Variants in TRRAP observed in about 807,000 individuals in gnomAD.
The protein encoded by TRRAP is transformation/transcription domain associated protein.
TRRAP carries 41 observed loss-of-function variants against 438.8 expected under a neutral mutation model. The ratio of observed to expected loss-of-function variants is 0.09; its 90% CI spans 0.07 to 0.12. TRRAP has a LOEUF of 0.12. Ranked by LOEUF, TRRAP falls within the 10% of genes least tolerant of loss-of-function variation. The probability of loss-of-function intolerance (pLI) is 1.00; values close to 1 mark genes in which losing one functional copy is unlikely to be tolerated. For missense variants in TRRAP, 3,122 were observed against 5,055.1 expected (o/e 0.62, Z 11.60); for synonymous variants, 1,994 against 1,962.9 (o/e 1.02, Z -0.42).
intron 53 of TRRAP, among the ~76,000 whole-genome samples, chr7:98,972,792 A>G (rs1464625831): frequency 1.3e-5 from 2 of 152,258 alleles, no homozygotes; most frequent in Non-Finnish European, 2.9e-5. Flanking sequence ...AGTGATTTTT[A>G]CGTTAAAATC....
In TRRAP at chr7:98,994,817, C is replaced by G. The variant is rs1406094010; in HGVS notation, c.10278C>G (p.Val3426=). Residue 3426 remains valine (V), a synonymous_variant, in exon 67 of 73, where the codon GTC becomes GTG. Transcript: ENST00000456197. This position sits in a 1 kb window ranked among gnomAD's most constrained non-coding sequence, Gnocchi z 4.8. ...CGCAGGCCACTGCACAAGACCCTGT[C>G]TTTCAGAAGCTGAAAGGCCAGTTCA... ...RRAQATAQDP[V]FQKLKGQFTT... 1.2e-6 allele frequency: 2 copies of G among 1,613,218 alleles called. No homozygotes were observed. Among genetic ancestry groups the G allele is most frequent in the Middle Eastern group, 1.7e-4 (1 of 6,058 alleles).
intron 3 of TRRAP, among the ~76,000 whole-genome samples, chr7:98,885,910 T>C (rs1273912823): frequency 6.6e-6 from 1 of 152,228 alleles, no homozygotes; most frequent in African/African-American, 2.4e-5. Context: ...TGAGACTTTA[T>C]TCTCCTTTTT....
At chr7:98,946,061 G>A in intron 33 of TRRAP, 111 bp downstream of exon 33, 2 of 1,158,182 alleles carry the variant, frequency 1.7e-6, no homozygotes, top group Non-Finnish European at 1.1e-6. Flanking sequence ...GTGCCCTTGA[G>A]TGCAGTGACC....
intron 48 of TRRAP, among the ~76,000 whole-genome samples, chr7:98,965,173 G>C (rs1792097114): frequency 6.6e-6 from 1 of 152,270 alleles, no homozygotes; most frequent in South Asian, 2.1e-4. Context: ...TGCTTTTAAA[G>C]TCTGTGAGTG....
At chr7:98,891,532 A>G (rs1318570297) in intron 4 of TRRAP, among the ~76,000 whole-genome samples, 5 of 130,910 alleles carry the variant, frequency 3.8e-5, no homozygotes, top group African/African-American at 5.9e-5. Flanking sequence ...TTCAGCATGT[A>G]GCTCTTTTTT....
Position 98,881,115 on chromosome 7 carries a change from C to T in TRRAP, c.-36C>T, listed in dbSNP as rs782405199. The T allele has an allele frequency of 6.3e-7, 1 of 1,582,246 alleles. No individual in the cohort carries two copies. The highest frequency in any genetic ancestry group is 1.1e-5 in the South Asian group (1 of 87,780). On this transcript the variant is annotated 5_prime_UTR_variant, in exon 2 of 73. Transcript: ENST00000456197. The stretch of plus-strand genomic sequence containing the variant: ...GCTGGTTGAACTCATGGACCTGATA[C>T]TTTTCTCTTGAGAAGCAAACCAGCC...
chr7:98,971,635 G>A (rs550271154), intron 52 of TRRAP, among the ~76,000 whole-genome samples, 164 bp from the exon 53 acceptor site: 114 of 152,282 alleles, frequency 7.5e-4, no homozygotes, highest in Non-Finnish European at 4.0e-4. Context: ...GTTAATCCAG[G>A]TTTTGTTTAT....
rs1554419357 is a variant in TRRAP, at chr7:98,955,302, A to G, written c.5935A>G (p.Lys1979Glu). 6.2e-7 allele frequency: 1 copy of G among 1,611,942 alleles called. No homozygotes were observed. The highest frequency in any genetic ancestry group is 1.7e-5 in the Admixed American group (1 of 59,966). ...TCTGCACCTGATAGTGCAACACTTC[A>G]AGGTGTGTAGGAGGGACGGTGGGCT... Reference protein sequence around the residue: ...HILHLIVQHFKVYYPVRHHLV... With the variant: ...HILHLIVQHFEVYYPVRHHLV... The change falls in exon 41 of 73, where the codon AAG (lysine) becomes GAG (glutamate). Residue 1979 changes from lysine to glutamate, a missense_variant and splice_region_variant. Around this residue, in one of 24 missense-constraint regions of TRRAP, gnomAD observed 992 missense variants for 1,281.2 expected, o/e 0.77. Transcript: ENST00000456197.
intron 30 of TRRAP, among the ~76,000 whole-genome samples, chr7:98,938,553 G>C (rs1790657623): frequency 2.7e-5 from 2 of 72,746 alleles, no homozygotes. Flanking sequence ...TATAAAAGGG[G>C]GTACAATATA....
At chr7:98,944,838 T>G (rs1368794113) in intron 31 of TRRAP, among the ~76,000 whole-genome samples, 6 of 152,020 alleles carry the variant, frequency 3.9e-5, no homozygotes, top group Admixed American at 3.9e-4. Context: ...AGACGGAGCC[T>G]CTGTCACCCA....
intron 53 of TRRAP, among the ~76,000 whole-genome samples, chr7:98,972,215 A>T (rs1331501365): frequency 6.6e-6 from 1 of 151,926 alleles, no homozygotes; most frequent in African/African-American, 2.4e-5. Context: ...CTAATTTGTT[A>T]ATTTTTTAGT....
intron 3 of TRRAP, among the ~76,000 whole-genome samples, chr7:98,884,941 T>TA (rs553703412): frequency 3.3e-5 from 5 of 152,172 alleles, no homozygotes; most frequent in Non-Finnish European, 7.3e-5. Flanking sequence ...GGGTACCAGT[T>TA]AGTCTCATAG....
chr7:98,897,745 G>C lies in TRRAP; in HGVS notation c.512G>C (p.Arg171Pro), dbSNP rs1298175720. The C allele has an allele frequency of 6.2e-7, 1 of 1,612,342 alleles. No homozygotes were observed. Among genetic ancestry groups the C allele is most frequent in the African/African-American group, 1.3e-5 (1 of 74,558 alleles). Residue 171 changes from arginine to proline, a missense_variant, in exon 8 of 73, where the codon CGC becomes CCC. By Grantham distance (103) the Arg-to-Pro change is moderately radical. Transcript: ENST00000456197. ...IYKELPKVVN[R>P]YFENPQVIPE... ...ATTTTTATGACTTTTATGTAGAACC[G>C]CTACTTTGAGAACCCTCAAGTGATC...
At chr7:98,916,402 G>A (rs938911377) in intron 19 of TRRAP, among the ~76,000 whole-genome samples, 17 of 152,172 alleles carry the variant, frequency 1.1e-4, no homozygotes, top group African/African-American at 3.9e-4. Flanking sequence ...ACAGGGATCT[G>A]GGTTCATTGA....
intron 49 of TRRAP, 140 bp downstream of exon 49, chr7:98,966,035 A>G: frequency 9.6e-7 from 1 of 1,046,202 alleles, no homozygotes; most frequent in South Asian, 1.6e-5. Context: ...CTTAATTAAG[A>G]TGGATTTTTG....
At chr7:98,949,917 G>C in intron 37 of TRRAP, 76 bp downstream of exon 37, 1 of 1,574,440 alleles carries the variant, frequency 6.4e-7, no homozygotes, top group Non-Finnish European at 8.6e-7. Context: ...CTTCTACTCT[G>C]TACAAGGCTG....
At chr7:98,881,291 G>A (rs1246750824) in intron 2 of TRRAP, 41 bp downstream of exon 2, 6 of 1,545,456 alleles carry the variant, frequency 3.9e-6, no homozygotes, top group South Asian at 1.2e-5. Flanking sequence ...GCATAAATAA[G>A]GCCGGATGCG....
intron 67 of TRRAP, among the ~76,000 whole-genome samples, chr7:98,995,112 T>C (rs974982123): frequency 6.6e-6 from 1 of 152,214 alleles, no homozygotes; most frequent in Non-Finnish European, 1.5e-5. Flanking sequence ...ACTGCCCTCC[T>C]GCCCTCCTGC....
Position 98,927,089 on chromosome 7 carries a change from A to T in TRRAP, c.2976-78A>T, listed in dbSNP as rs148921776. ...ATAAGAGGGAAGCAAGCAGATTAAA[A>T]ATTTGAAAAGAAGTCCTAGTGGAGT... is the stretch of plus-strand genomic sequence containing the variant. On this transcript the variant is annotated intron_variant, in intron 22 of 72. Transcript: ENST00000456197. 6.4e-4 allele frequency: 975 copies of T among 1,519,100 alleles called. 2 individuals are homozygous for T. The highest frequency in any genetic ancestry group is 5.5e-3 in the African/African-American group (401 of 72,342). The allele number at this position is 1,519,100 out of a possible 1,614,324, so 94.1% of individuals were successfully genotyped here.
Sources: allele counts gnomAD v4.1 joint callset (sites outside exome capture counted in the v4.1 genomes callset), GRCh38; gene constraint gnomAD v4.1.1; regional missense constraint gnomAD v4.1.1; non-coding constraint Gnocchi (gnomAD v3.1); transcripts MANE v1.5; gene names NCBI Gene and HGNC (gene_info 2026-07-23, HGNC 2026-07-21).